Variants in JAK1 observed in about 807,000 individuals in gnomAD.
JAK1 encodes the protein Janus kinase 1.
Under a neutral mutation model 136.6 loss-of-function variants are expected in JAK1, and 16 were observed. That is an observed-to-expected ratio of 0.12 (90% CI 0.08 to 0.18). The LOEUF is 0.18. Among genes scored for constraint, JAK1 ranks in the 10% least tolerant of loss-of-function variants. The pLI is 1.00. For synonymous variants in JAK1, 492 were observed against 519.5 expected, an observed-to-expected ratio of 0.95 and a Z score of 0.72; for missense variants, 859 against 1,450.1, an observed-to-expected ratio of 0.59 and a Z score of 6.62.
intron 8 of JAK1, among the ~76,000 whole-genome samples, chr1:64,860,689 A>G (rs1656245173): frequency 6.6e-6 from 1 of 151,948 alleles, no homozygotes; most frequent in Admixed American, 6.6e-5. Context: ...CCTGACCTCG[A>G]GTGATCTCCC....
intron 1 of JAK1, among the ~76,000 whole-genome samples, chr1:64,928,306 G>C (rs1645617932): frequency 6.6e-6 from 1 of 152,184 alleles, no homozygotes; most frequent in East Asian, 1.9e-4. Context: ...GTTGGGACCT[G>C]AATAGATTAA....
intron 1 of JAK1, among the ~76,000 whole-genome samples, chr1:64,914,042 C>T (rs932884165): frequency 3.3e-5 from 5 of 152,140 alleles, no homozygotes; most frequent in African/African-American, 1.2e-4. Flanking sequence ...CTAGACCATG[C>T]TGAGTAGCCA....
At chr1:64,949,897 T>C (rs753743326) in intron 1 of JAK1, among the ~76,000 whole-genome samples, 16 of 152,186 alleles carry the variant, frequency 1.1e-4, no homozygotes, top group Non-Finnish European at 1.8e-4. Flanking sequence ...TATTCTATCA[T>C]AGATTACTTA....
intron 1 of JAK1, among the ~76,000 whole-genome samples, chr1:64,954,401 C>G (rs1288239572): frequency 1.3e-5 from 2 of 152,206 alleles, no homozygotes; most frequent in South Asian, 2.1e-4. Flanking sequence ...CTCTCCTCCC[C>G]ACGTGGGATG....
At chr1:64,916,622 G>A (rs1358583789) in intron 1 of JAK1, among the ~76,000 whole-genome samples, 2 of 152,094 alleles carry the variant, frequency 1.3e-5, no homozygotes, top group East Asian at 3.8e-4. Flanking sequence ...GGGATCTCTT[G>A]AGGTCTGGAG....
At chr1:64,952,855 T>G (rs1182475344) in intron 1 of JAK1, among the ~76,000 whole-genome samples, 1 of 152,154 alleles carries the variant, frequency 6.6e-6, no homozygotes, top group Admixed American at 6.5e-5. Flanking sequence ...AAACACACAT[T>G]CTCATTTAAT....
chr1:64,950,500 C>T (rs562303974), intron 1 of JAK1, among the ~76,000 whole-genome samples: 1 of 152,028 alleles, frequency 6.6e-6, no homozygotes, highest in Non-Finnish European at 1.5e-5. Context: ...AAAGTTTTAT[C>T]ATTCTTAGGA....
At chr1:64,856,720 G>A (rs1323540395) in intron 10 of JAK1, among the ~76,000 whole-genome samples, 1 of 152,212 alleles carries the variant, frequency 6.6e-6, no homozygotes, top group African/African-American at 2.4e-5. Flanking sequence ...CCGAGGCCCA[G>A]CTGTTCAGCA....
At chr1:64,951,649 C>CTT (rs71056071) in intron 1 of JAK1, among the ~76,000 whole-genome samples, 899 of 76,978 alleles carry the variant, frequency 0.012, 131 homozygotes, top group African/African-American at 0.044. Flanking sequence ...CAAGTTCTGC[C>CTT]TTTTTTTTTT....
In JAK1 at chr1:65,056,920, C is replaced by CT. The variant is rs1310910233; in HGVS notation, c.-181+10683dup. 5.8e-5 allele frequency among the ~76,000 whole-genome samples: 4 copies of CT among 68,416 alleles called. No individual in the cohort carries two copies. In the South Asian group the frequency reaches 1.9e-3, roughly 33 times the overall value. The allele number at this position is 68,416 out of a possible 152,430, so 44.9% of individuals were successfully genotyped here. On this transcript the variant is annotated intron_variant, in intron 1 of 25. Coordinates refer to the JAK1 transcript ENST00000671954. ...GCCTGACCGCAGACTGAGACTCTTT[C>CT]TTTAAAAAAAAAAAAAAAAAAAAAA...
At chr1:64,874,781 G>A (rs1312185909) in intron 4 of JAK1, among the ~76,000 whole-genome samples, 2 of 152,156 alleles carry the variant, frequency 1.3e-5, no homozygotes, top group Non-Finnish European at 2.9e-5. Flanking sequence ...GCAAAAAGCT[G>A]CTGCTACACT....
chr1:65,062,833 ATTG>A (rs1647851043), intron 1 of JAK1, among the ~76,000 whole-genome samples: 1 of 147,852 alleles, frequency 6.8e-6, no homozygotes, highest in African/African-American at 2.7e-5. Flanking sequence ...CAGATACTTG[ATTG>A]ATTGATTAAT....
chr1:64,913,019 A>G (rs555397697), intron 1 of JAK1, among the ~76,000 whole-genome samples: 13 of 152,138 alleles, frequency 8.5e-5, no homozygotes, highest in Non-Finnish European at 1.9e-4. Flanking sequence ...ACATATAAAA[A>G]TTATATATAA....
At position 64,984,644 on chromosome 1, in the gene JAK1, T is replaced by C; in HGVS notation, c.-78+59836A>G. 3.8e-6 allele frequency: 2 copies of C among 520,930 alleles called. No individual in the cohort carries two copies. The highest frequency in any genetic ancestry group is 7.3e-6 in the Non-Finnish European group (2 of 275,340). 32.3% of individuals were successfully genotyped at this position (520,930 alleles called of 1,614,324 possible). A position where few individuals can be genotyped will look rare whatever the true frequency, so the allele number is the denominator to read the frequency against. Reference sequence around the variant, plus strand: ...GTGGTCTCCTTAGCAGGCTGGATACTGTTCATCTCCATGACACAGTCCTTC... The same window carrying C: ...GTGGTCTCCTTAGCAGGCTGGATACCGTTCATCTCCATGACACAGTCCTTC... On this transcript the variant is annotated intron_variant, in intron 2 of 25. Transcript: ENST00000671954. The surrounding 1 kb of genome is among the most constrained non-coding windows in gnomAD (Gnocchi z 4.1).
At chr1:65,039,757 A>G in intron 2 of JAK1, among the ~76,000 whole-genome samples, 1 of 152,292 alleles carries the variant, frequency 6.6e-6, no homozygotes, top group Admixed American at 6.5e-5. Flanking sequence ...CTTCTCCGAC[A>G]CAGCCATTGC....
intron 2 of JAK1, among the ~76,000 whole-genome samples, chr1:64,885,039 G>C (rs1203572086): frequency 1.3e-5 from 2 of 152,172 alleles, no homozygotes; most frequent in Non-Finnish European, 2.9e-5. Flanking sequence ...TGGTCTATTA[G>C]CTCCCCTGGT....
rs577274261 is a variant in JAK1, at chr1:64,860,929, C to CGTGTGTGT, written c.1177-675_1177-668dup. Among the ~76,000 whole-genome samples the CGTGTGTGT allele has an allele frequency of 2.5e-3, 122 of 48,434 alleles. 12 individuals carry two copies. Among genetic ancestry groups the CGTGTGTGT allele is most frequent in the African/African-American group, 7.7e-3 (76 of 9,914 alleles). The allele number at this position is 48,434 out of a possible 152,430, so 31.8% of individuals were successfully genotyped here. Reference sequence around the variant, plus strand: ...ATGCAGAGAAGCTGTCCCCTGGGTCCGTGTGTGTGTGTGTGTGTGTGTGTG... The same window carrying CGTGTGTGT: ...ATGCAGAGAAGCTGTCCCCTGGGTCCGTGTGTGTGTGTGTGTGTGTGTGTGTGTGTGTG... On this transcript the variant is annotated intron_variant, in intron 8 of 24. Transcript: ENST00000342505.
chr1:64,952,212 C>A (rs1646104378), intron 1 of JAK1, among the ~76,000 whole-genome samples: 1 of 152,050 alleles, frequency 6.6e-6, no homozygotes, highest in South Asian at 2.1e-4. Context: ...AGTGTAGGTT[C>A]ATAAGGGGTG....
At position 64,834,265 on chromosome 1, in the gene JAK1, A is replaced by G. The variant is rs994199366; in HGVS notation, c.*297T>C. 1 of 259,140 alleles carries G rather than the reference A, an allele frequency of 3.9e-6. No homozygotes were observed. Among genetic ancestry groups the G allele is most frequent in the Non-Finnish European group, 7.4e-6 (1 of 134,774 alleles). 16.1% of individuals were successfully genotyped at this position (259,140 alleles called of 1,614,324 possible). ...GGTAATGCAGTTGTGATGGTGAACT[A>G]GCCAGATGAAATGGTGGTATATTCT... On this transcript the variant is annotated 3_prime_UTR_variant, in exon 25 of 25. Coordinates refer to ENST00000342505, the MANE Select transcript of JAK1 (RefSeq NM_002227.4).
Sources: gnomAD v4.1 joint callset for allele counts (sites outside exome capture counted in the v4.1 genomes callset) on GRCh38, gnomAD v4.1.1 for gene constraint, Gnocchi (gnomAD v3.1) non-coding constraint, MANE v1.5 for transcripts, NCBI Gene and HGNC (gene_info 2026-07-23, HGNC 2026-07-21) for gene names.